Variants in C7 observed in about 807,000 individuals in gnomAD.
The protein encoded by C7 is complement component C7.
In C7, 83 loss-of-function variants were observed where a neutral mutation model predicts 104.8. The ratio of observed to expected loss-of-function variants is 0.79; its 90% CI spans 0.66 to 0.95. The LOEUF (loss-of-function observed/expected upper bound fraction) is 0.95. Among genes scored for constraint, C7 ranks in the 40% least tolerant of loss-of-function variants. The pLI, the probability that C7 is intolerant of heterozygous loss-of-function variation, is 0.00. For missense variants in C7, 1,070 were observed against 1,011.2 expected, an observed-to-expected ratio of 1.06 and a Z score of -0.79; for synonymous variants, 415 against 360.6, an observed-to-expected ratio of 1.15 and a Z score of -1.71.
chr5:40,933,132 G>A (rs1739731688), intron 3 of C7, among the ~76,000 whole-genome samples: 1 of 152,152 alleles, frequency 6.6e-6, no homozygotes, highest in South Asian at 2.1e-4. Context: ...ATATTCCTCT[G>A]TGGCTCCTTT....
intron 15 of C7, among the ~76,000 whole-genome samples, chr5:40,975,607 G>T (rs980651095): frequency 6.6e-6 from 1 of 152,052 alleles, no homozygotes; most frequent in South Asian, 2.1e-4. Context: ...CAAGTGATCT[G>T]CCTGCCTCGG....
chr5:40,913,730 A>C (rs1257584742), intron 1 of C7, among the ~76,000 whole-genome samples: 3 of 152,102 alleles, frequency 2.0e-5, no homozygotes, highest in Non-Finnish European at 4.4e-5. Context: ...CCCAGGCTGG[A>C]GTGCAGTGGC....
chr5:40,974,629 A>G (rs1476958484), intron 15 of C7, among the ~76,000 whole-genome samples: 3 of 152,074 alleles, frequency 2.0e-5, no homozygotes, highest in Non-Finnish European at 2.9e-5. Context: ...CATGTTAGTC[A>G]GGATGGTCCC....
At chr5:40,956,445 G>A (rs902380479) in intron 10 of C7, among the ~76,000 whole-genome samples, 5 of 152,340 alleles carry the variant, frequency 3.3e-5, no homozygotes, top group Admixed American at 6.5e-5. Flanking sequence ...ACGCACATGC[G>A]TATGCATGAG....
rs1212047106 is a variant in C7 at position 40,981,492 on chromosome 5, G to T, written c.2451G>T (p.Glu817Asp). Residue 817 changes from glutamate (E) to aspartate (D), a missense_variant, in exon 18 of 18, where the codon GAG (glutamate) becomes GAT (aspartate). Physicochemically the swap from Glu to Asp is conservative, Grantham distance 45. Transcript: ENST00000313164. ...EVNGKEQTMS[E>D]CEAGALRCRG... ...ACGGCAAGGAGCAGACGATGTCTGA[G>T]TGTGAGGCGGGCGCTCTGAGATGCA... 6.2e-7 allele frequency: 1 copy of T among 1,613,892 alleles called. No homozygotes were observed. Among genetic ancestry groups the T allele is most frequent in the South Asian group, 1.1e-5 (1 of 91,038 alleles).
chr5:40,930,480 A>G (rs1258989658), intron 2 of C7, among the ~76,000 whole-genome samples: 1 of 151,872 alleles, frequency 6.6e-6, no homozygotes, highest in African/African-American at 2.4e-5. Flanking sequence ...TGCTGAGATT[A>G]CAGGCATAAG....
intron 1 of C7, among the ~76,000 whole-genome samples, chr5:40,915,728 C>T (rs1739304418): frequency 6.6e-6 from 1 of 152,184 alleles, no homozygotes; most frequent in Non-Finnish European, 1.5e-5. Flanking sequence ...CTCCTTGGCA[C>T]CTTTTCACCC....
intron 1 of C7, among the ~76,000 whole-genome samples, chr5:40,927,544 G>A (rs1212015420): frequency 6.6e-6 from 1 of 151,880 alleles, no homozygotes; most frequent in Non-Finnish European, 1.5e-5. Context: ...CAACTCAATA[G>A]CAAGAAGACA....
chr5:40,915,299 A>G (rs771481973), intron 1 of C7, among the ~76,000 whole-genome samples: 9 of 152,158 alleles, frequency 5.9e-5, no homozygotes, highest in Non-Finnish European at 1.3e-4. Context: ...TGGAGAGGAA[A>G]GAGGCAGCTT....
intron 8 of C7, among the ~76,000 whole-genome samples, chr5:40,948,981 A>G (rs2111634480): frequency 6.6e-6 from 1 of 152,102 alleles, no homozygotes; most frequent in South Asian, 2.1e-4. Flanking sequence ...TTCAAATCTT[A>G]TAGGTTAGAA....
At position 40,936,325 on chromosome 5, in the gene C7, C is replaced by T. The variant is rs1739813453; in HGVS notation, c.281-13C>T. 6.2e-7 allele frequency: 1 copy of T among 1,612,560 alleles called. No homozygotes were observed. Among genetic ancestry groups the T allele is most frequent in the Non-Finnish European group, 8.5e-7 (1 of 1,179,142 alleles). On this transcript the variant is annotated splice_polypyrimidine_tract_variant and intron_variant, in intron 4 of 17. Coordinates refer to ENST00000313164, the MANE Select transcript of C7 (RefSeq NM_000587.4). ...CTCTTTTACATTTGCACGTGGATTT[C>T]TCTGGTGTTCAGGTCAGTGCATCAG... is the stretch of plus-strand genomic sequence containing the variant.
chr5:40,972,559 G>C lies in C7; in HGVS notation c.2039G>C (p.Ser680Thr). ...AFLCGSSLKWSPEMKNARCVQ... is the reference protein window; with the variant it reads ...AFLCGSSLKWTPEMKNARCVQ... ...CTCTGTGGCTCCAGCCTTAAGTGGA[G>C]TCCTGAGATGAAGAATGCCCGCTGT... The change falls in exon 15 of 18, where the codon AGT (serine) becomes ACT (threonine). Residue 680 changes from serine to threonine, a missense_variant. Ser to Thr is a moderately conservative substitution (Grantham distance 58). Coordinates refer to ENST00000313164, the MANE Select transcript of C7 (RefSeq NM_000587.4). 1.9e-6 allele frequency: 3 copies of C among 1,611,222 alleles called. No individual in the cohort carries two copies. Among genetic ancestry groups the C allele is most frequent in the Non-Finnish European group, 2.5e-6 (3 of 1,178,640 alleles).
At chr5:40,916,074 C>T (rs1739309932) in intron 1 of C7, among the ~76,000 whole-genome samples, 2 of 149,028 alleles carry the variant, frequency 1.3e-5, no homozygotes, top group African/African-American at 5.2e-5. Context: ...TCTCCATCAC[C>T]TTCAGCTATC....
chr5:40,983,109 A>G lies in C7; in HGVS notation c.*1536A>G, dbSNP rs1740985302. 2.0e-5 allele frequency among the ~76,000 whole-genome samples: 3 copies of G among 152,220 alleles called. No homozygotes were observed. Among genetic ancestry groups the G allele is most frequent in the African/African-American group, 7.2e-5 (3 of 41,458 alleles). ...TGAAGTTACAAGGAGGCAGGTTTCA[A>G]TTGGTTAAAAACAATGACATTCAGA... On this transcript the variant is annotated 3_prime_UTR_variant, in exon 18 of 18. Coordinates refer to ENST00000313164, the MANE Select transcript of C7 (RefSeq NM_000587.4).
chr5:40,977,598 G>A (rs1434533165), intron 16 of C7, among the ~76,000 whole-genome samples: 1 of 152,132 alleles, frequency 6.6e-6, no homozygotes, highest in Non-Finnish European at 1.5e-5. Context: ...AGGGACTTCA[G>A]AGGTCCCACA....
chr5:40,947,898 G>C, intron 8 of C7, 53 bp downstream of exon 8: 1 of 1,528,782 alleles, frequency 6.5e-7, no homozygotes, highest in Non-Finnish European at 9.0e-7. Flanking sequence ...TTTTAATGGG[G>C]AAATAACATG....
intron 14 of C7, chr5:40,972,187 G>C (rs1411885484): frequency 1.7e-6 from 1 of 581,700 alleles, no homozygotes; most frequent in Non-Finnish European, 3.1e-6. Flanking sequence ...GGTGGGAGAG[G>C]GGGAGCTGTT....
At chr5:40,972,307 AAAGCAGAAC>A in intron 14 of C7, 87 bp from the exon 15 acceptor site, 1 of 985,202 alleles carries the variant, frequency 1.0e-6, no homozygotes, top group Non-Finnish European at 1.6e-6. Context: ...CTAATATGAA[AAAGCAGAAC>A]AAGTGTGTCT....
intron 1 of C7, among the ~76,000 whole-genome samples, chr5:40,917,686 T>C (rs1739346631): frequency 6.6e-6 from 1 of 152,220 alleles, no homozygotes; most frequent in Non-Finnish European, 1.5e-5. Context: ...TTTTTAATTT[T>C]TTGAAGATCC....
Sources: gnomAD v4.1 joint callset for allele counts (sites outside exome capture counted in the v4.1 genomes callset) on GRCh38, gnomAD v4.1.1 for gene constraint, MANE v1.5 for transcripts, NCBI Gene and HGNC (gene_info 2026-07-23, HGNC 2026-07-21) for gene names.